Variants in CEP350 observed in about 807,000 individuals in gnomAD.
The protein encoded by CEP350 is centrosome-associated protein 350.
In CEP350, 126 loss-of-function variants were observed where a neutral mutation model predicts 331.8. The ratio of observed to expected loss-of-function variants is 0.38; its 90% CI spans 0.33 to 0.44. The LOEUF is 0.44. Among genes scored for constraint, CEP350 ranks in the 20% least tolerant of loss-of-function variants. The probability of loss-of-function intolerance (pLI) is 1.00; values close to 1 mark genes in which losing one functional copy is unlikely to be tolerated. For synonymous variants in CEP350, 1,200 were observed against 1,259.5 expected (o/e 0.95, Z 1.00); for missense variants, 3,406 against 3,634.6 (o/e 0.94, Z 1.62).
At chr1:180,105,247 G>T (rs1661078672) in intron 37 of CEP350, among the ~76,000 whole-genome samples, 1 of 151,836 alleles carries the variant, frequency 6.6e-6, no homozygotes, top group African/African-American at 2.4e-5. Flanking sequence ...GCTGCTCCTT[G>T]GTCTCCTTTG....
intron 6 of CEP350, among the ~76,000 whole-genome samples, chr1:180,002,201 C>T (rs767737646): frequency 7.9e-5 from 12 of 152,274 alleles, no homozygotes; most frequent in East Asian, 3.9e-4. Flanking sequence ...AGACTTGGCG[C>T]GGTGGCTCAT....
At chr1:179,999,472 T>C (rs1571843918) in intron 6 of CEP350, among the ~76,000 whole-genome samples, 1 of 152,068 alleles carries the variant, frequency 6.6e-6, no homozygotes. Flanking sequence ...TCCTAAGCAG[T>C]GGATTTTTTT....
At chr1:180,086,294 T>C (rs1177156043) in intron 31 of CEP350, among the ~76,000 whole-genome samples, 1 of 152,184 alleles carries the variant, frequency 6.6e-6, no homozygotes, top group African/African-American at 2.4e-5. Flanking sequence ...GAAGTCAAAC[T>C]GATGAGTTTG....
chr1:180,069,633 A>G (rs1217430357), intron 27 of CEP350, among the ~76,000 whole-genome samples: 1 of 152,134 alleles, frequency 6.6e-6, no homozygotes, highest in Non-Finnish European at 1.5e-5. Flanking sequence ...GTAAATTATT[A>G]GATAATTTTA....
chr1:180,061,403 C>T (rs1038030671), intron 25 of CEP350, among the ~76,000 whole-genome samples: 4 of 152,042 alleles, frequency 2.6e-5, no homozygotes, highest in Non-Finnish European at 5.9e-5. Context: ...CACCATGTTG[C>T]CTAGGCTAGT....
chr1:179,956,643 A>G (rs556556787), intron 1 of CEP350, among the ~76,000 whole-genome samples: 4 of 152,348 alleles, frequency 2.6e-5, no homozygotes, highest in Admixed American at 2.6e-4. Context: ...AAGTACTGCT[A>G]TAATCAATTT....
chr1:180,029,406 G>A (rs1655868330), intron 14 of CEP350, among the ~76,000 whole-genome samples: 1 of 152,156 alleles, frequency 6.6e-6, no homozygotes. Flanking sequence ...AGAAAAATTA[G>A]CAATAATCAG....
intron 6 of CEP350, chr1:180,000,420 G>C (rs1274414145): frequency 2.0e-5 from 3 of 152,322 alleles, no homozygotes; most frequent in Non-Finnish European, 2.9e-5. Context: ...AGTCATTGCA[G>C]AATCTTTACT....
At chr1:179,974,224 T>C (rs1651677019) in intron 1 of CEP350, among the ~76,000 whole-genome samples, 1 of 152,030 alleles carries the variant, frequency 6.6e-6, no homozygotes, top group Non-Finnish European at 1.5e-5. Flanking sequence ...GGACCACAGG[T>C]GCCTGCCACC....
intron 26 of CEP350, among the ~76,000 whole-genome samples, chr1:180,064,825 T>C (rs1460359271): frequency 6.6e-6 from 1 of 152,124 alleles, no homozygotes. Flanking sequence ...AGATTACTAA[T>C]AGCAGAAGCT....
chr1:180,044,930 A>C (rs1657023787), intron 21 of CEP350, among the ~76,000 whole-genome samples: 1 of 151,988 alleles, frequency 6.6e-6, no homozygotes, highest in South Asian at 2.1e-4. Context: ...AGGTCACATA[A>C]ATAATGATAC....
chr1:180,074,100 G>C (rs1472891708), intron 27 of CEP350, among the ~76,000 whole-genome samples: 1 of 152,016 alleles, frequency 6.6e-6, no homozygotes, highest in Non-Finnish European at 1.5e-5. Context: ...TAGAGTGACA[G>C]CTCTTCTTGT....
At chr1:180,007,839 C>CGTGTGTGGGT (rs1654361264) in intron 8 of CEP350, among the ~76,000 whole-genome samples, 1 of 140,908 alleles carries the variant, frequency 7.1e-6, no homozygotes. Context: ...TTTTATGTAT[C>CGTGTGTGGGT]GTGTGTGTGT....
rs527579397 is a variant in CEP350 at position 180,112,228 on chromosome 1, T to C, written c.*1067T>C. On this transcript the variant is annotated 3_prime_UTR_variant, in exon 38 of 38. Transcript: ENST00000367607. ...TCCCTATTCAGAAGTGAAAGATTCA[T>C]CTTGTAATAGTTAAACCTCCATCTT... 8 of 152,780 alleles carry C rather than the reference T, an allele frequency of 5.2e-5. No homozygotes were observed. Among genetic ancestry groups the C allele is most frequent in the African/African-American group, 1.9e-4 (8 of 41,590 alleles). The allele number at this position is 152,780 out of a possible 1,614,324, so 9.5% of individuals were successfully genotyped here.
At chr1:180,084,263 A>G (rs1178883466) in intron 31 of CEP350, 85 bp downstream of exon 31, 2 of 1,225,756 alleles carry the variant, frequency 1.6e-6, no homozygotes, top group African/African-American at 3.1e-5. Flanking sequence ...TAATAAAGTA[A>G]TGGATTAGGA....
intron 25 of CEP350, 63 bp from the exon 26 acceptor site, chr1:180,062,157 A>T (rs1309850398): frequency 1.7e-5 from 23 of 1,341,124 alleles, no homozygotes; most frequent in East Asian, 5.6e-5. Flanking sequence ...TTTTTTTTTT[A>T]AATATTACTT....
At position 180,041,528 on chromosome 1, in the gene CEP350, A is replaced by C. The variant is rs1007960697; in HGVS notation, c.4222-134A>C. The C allele has an allele frequency of 6.5e-6, 6 of 917,108 alleles. No homozygotes were observed. In the African/African-American group the frequency reaches 1.0e-4, roughly 15 times the overall value. 56.8% of individuals were successfully genotyped at this position (917,108 alleles called of 1,614,324 possible). On this transcript the variant is annotated intron_variant, in intron 18 of 37. Coordinates refer to ENST00000367607, the MANE Select transcript of CEP350 (RefSeq NM_014810.5). ...TTGTGAACAGTAGAGTTAAGACTTA[A>C]ACCATGAAATCCAGATTGTAGTAAA...
chr1:179,955,993 A>G (rs751809385), intron 1 of CEP350, among the ~76,000 whole-genome samples: 3 of 152,222 alleles, frequency 2.0e-5, no homozygotes, highest in East Asian at 1.9e-4. Context: ...AAGAAAGACT[A>G]TCTTTGGCAG....
Position 180,062,375 on chromosome 1 carries a change from C to T in CEP350, c.5409+9C>T, listed in dbSNP as rs948362532. 5 of 1,582,298 alleles carry T rather than the reference C, an allele frequency of 3.2e-6. No homozygotes were observed. Among genetic ancestry groups the T allele is most frequent in the Non-Finnish European group, 4.3e-6 (5 of 1,164,890 alleles). On this transcript the variant is annotated intron_variant, in intron 26 of 37. Coordinates refer to ENST00000367607, the MANE Select transcript of CEP350 (RefSeq NM_014810.5). ...CAGGGGAGAGTAAATTGGTAAACTA[C>T]ATGAAGTTATTATTTGTTTCCTGTC...
Sources: gnomAD v4.1 joint callset for allele counts (sites outside exome capture counted in the v4.1 genomes callset) on GRCh38, gnomAD v4.1.1 for gene constraint, MANE v1.5 for transcripts, NCBI Gene and HGNC (gene_info 2026-07-23, HGNC 2026-07-21) for gene names.